Variants in LHX2 observed in about 807,000 individuals in gnomAD.
The protein encoded by LHX2 is LIM homeobox 2, also known as LIM/homeobox protein Lhx2.
Under a neutral mutation model 33.0 loss-of-function variants are expected in LHX2, and 6 were observed. The observed-to-expected ratio is 0.18, with a 90% CI of 0.10 to 0.36. The LOEUF is 0.36. Among genes scored for constraint, LHX2 ranks in the 10% least tolerant of loss-of-function variants. The probability of loss-of-function intolerance (pLI) is 1.00; values close to 1 mark genes in which losing one functional copy is unlikely to be tolerated. For missense variants in LHX2, 442 were observed against 586.2 expected (o/e 0.75, Z 2.54); for synonymous variants, 292 against 253.1 (o/e 1.15, Z -1.46).
chr9:124,017,199 CT>C (rs1184939394), intron 3 of LHX2, among the ~76,000 whole-genome samples: 2 of 152,194 alleles, frequency 1.3e-5, no homozygotes, highest in East Asian at 1.9e-4. Context: ...CTCCCTCTCT[CT>C]TTTTTTCCTT....
chr9:124,019,059 A>G (rs1859246980), intron 3 of LHX2, among the ~76,000 whole-genome samples: 1 of 152,218 alleles, frequency 6.6e-6, no homozygotes, highest in Non-Finnish European at 1.5e-5. Flanking sequence ...ACTGGGGGAA[A>G]GAAAAGGGTT....
rs374544073 is a variant in LHX2, at chr9:124,032,413, C to G, written c.934-7C>G. 6.3e-6 allele frequency: 10 copies of G among 1,575,478 alleles called. No individual in the cohort carries two copies. Among genetic ancestry groups the G allele is most frequent in the Admixed American group, 1.7e-5 (1 of 59,072 alleles). ...GCTCACCAGCCCTTCCCTGTCGTCC[C>G]CCGCAGGTCTGGTTCCAGAACGCCC... is the stretch of plus-strand genomic sequence containing the variant. On this transcript the variant is annotated splice_polypyrimidine_tract_variant and splice_region_variant and intron_variant, in intron 4 of 4. Transcript: ENST00000373615. This position sits in a 1 kb window ranked among gnomAD's most constrained non-coding sequence, Gnocchi z 4.1.
chr9:124,014,089 C>T lies in LHX2; in HGVS notation c.249C>T (p.Cys83=). The T allele has an allele frequency of 6.2e-7, 1 of 1,613,734 alleles. No homozygotes were observed. Among genetic ancestry groups the T allele is most frequent in the Non-Finnish European group, 8.5e-7 (1 of 1,180,034 alleles). The change falls in exon 2 of 5, where the codon TGC becomes TGT. Residue 83 remains cysteine, a synonymous_variant. Coordinates refer to ENST00000373615, the MANE Select transcript of LHX2 (RefSeq NM_004789.4). This position sits in a 1 kb window ranked among gnomAD's most constrained non-coding sequence, Gnocchi z 4.8. ...TGCGCTGCCTCAAGTGCTGCGAGTG[C>T]AAGCTCAACCTGGAGTCGGAGCTCA... is the stretch of plus-strand genomic sequence containing the variant. ...WHMRCLKCCE[C]KLNLESELTC...
intron 4 of LHX2, among the ~76,000 whole-genome samples, chr9:124,029,705 T>C (rs1013802508): frequency 2.6e-5 from 4 of 152,110 alleles, no homozygotes; most frequent in African/African-American, 9.7e-5. Context: ...CCTCAAACCC[T>C]CGACCCAGGC....
intron 4 of LHX2, among the ~76,000 whole-genome samples, chr9:124,024,682 A>G (rs373236199): frequency 1.3e-5 from 2 of 152,216 alleles, no homozygotes; most frequent in East Asian, 1.9e-4. Flanking sequence ...TACACAGTAC[A>G]GTTCAGTCTC....
intron 3 of LHX2, among the ~76,000 whole-genome samples, chr9:124,017,885 C>T (rs1859219907): frequency 6.6e-6 from 1 of 151,960 alleles, no homozygotes; most frequent in African/African-American, 2.4e-5. Flanking sequence ...AAACCTCCCC[C>T]TACCCCGGGA....
intron 4 of LHX2, among the ~76,000 whole-genome samples, chr9:124,025,507 T>C (rs1588350767): frequency 6.7e-6 from 1 of 149,234 alleles, no homozygotes; most frequent in African/African-American, 2.5e-5. Context: ...TCTCACCACA[T>C]AGAAGTCTCT....
intron 4 of LHX2, among the ~76,000 whole-genome samples, chr9:124,024,099 G>T (rs1313697622): frequency 3.3e-5 from 5 of 152,248 alleles, no homozygotes; most frequent in Admixed American, 2.0e-4. Context: ...ATCTGGCAAT[G>T]ACTGTCTGGG....
At chr9:124,026,872 G>A (rs945934889) in intron 4 of LHX2, among the ~76,000 whole-genome samples, 2 of 152,182 alleles carry the variant, frequency 1.3e-5, no homozygotes, top group Admixed American at 6.5e-5. Flanking sequence ...CCCTGAGGAG[G>A]AGGTGTGGTT....
chr9:124,019,594 CA>C (rs1220411613), intron 3 of LHX2, among the ~76,000 whole-genome samples: 1 of 152,100 alleles, frequency 6.6e-6, no homozygotes, highest in African/African-American at 2.4e-5. Flanking sequence ...TTCAGGTAAA[CA>C]ACAAATACAT....
chr9:124,030,652 G>A (rs958580065), intron 4 of LHX2, among the ~76,000 whole-genome samples: 9 of 119,856 alleles, frequency 7.5e-5, no homozygotes, highest in African/African-American at 3.1e-4. Flanking sequence ...TTTTTTTTGA[G>A]ATGGAGTCTT....
Position 124,018,324 on chromosome 9 carries a change from C to G in LHX2, c.728-2775C>G, listed in dbSNP as rs989437381. Reference sequence around the variant, plus strand: ...CCCGGGTCCTCCCCCTCCCCTCGGCCCCTCGCTCCTCCCCGGATCCGATCC... The same window carrying G: ...CCCGGGTCCTCCCCCTCCCCTCGGCGCCTCGCTCCTCCCCGGATCCGATCC... On this transcript the variant is annotated intron_variant, in intron 3 of 4. Coordinates refer to ENST00000373615, the MANE Select transcript of LHX2 (RefSeq NM_004789.4). Among the ~76,000 whole-genome samples, 3 of 151,206 alleles carry G rather than the reference C, an allele frequency of 2.0e-5. No individual in the cohort carries two copies. The East Asian group carries it at 5.9e-4, about 30-fold the overall frequency.
Position 124,032,769 on chromosome 9 carries a change from A to G in LHX2, c.*62A>G. 6.8e-7 allele frequency: 1 copy of G among 1,481,212 alleles called. No homozygotes were observed. Among genetic ancestry groups the G allele is most frequent in the Non-Finnish European group, 9.1e-7 (1 of 1,103,658 alleles). 91.8% of individuals were successfully genotyped at this position (1,481,212 alleles called of 1,614,324 possible). ...AAGAAATTATCTTTAGTTGAATTCCAAGTGTATTTTAAAATAGAGGCTTTG... is the reference window on the plus strand; with the variant it reads ...AAGAAATTATCTTTAGTTGAATTCCGAGTGTATTTTAAAATAGAGGCTTTG... On this transcript the variant is annotated 3_prime_UTR_variant, in exon 5 of 5. Transcript: ENST00000373615. The surrounding 1 kb of genome is among the most constrained non-coding windows in gnomAD (Gnocchi z 4.1).
Position 124,016,853 on chromosome 9 carries a change from C to A in LHX2, c.727+1328C>A, listed in dbSNP as rs1426682099. Among the ~76,000 whole-genome samples the A allele has an allele frequency of 6.6e-6, 1 of 152,054 alleles. No homozygotes were observed. ...ACTTCCATCCCTCCTCTCCTACCAC[C>A]CCCCAAAAAAAGACAAAACCGAGTT... On this transcript the variant is annotated intron_variant, in intron 3 of 4. Coordinates refer to ENST00000373615, the MANE Select transcript of LHX2 (RefSeq NM_004789.4). The surrounding 1 kb of genome is among the most constrained non-coding windows in gnomAD (Gnocchi z 4.4).
chr9:124,032,253 A>G lies in LHX2; in HGVS notation c.934-167A>G. Reference sequence around the variant, plus strand: ...CCAGACCCTGTCTGCAAACAAAAACAAAAACAAAAAAACCAAAAAAGCAAA... The same window carrying G: ...CCAGACCCTGTCTGCAAACAAAAACGAAAACAAAAAAACCAAAAAAGCAAA... On this transcript the variant is annotated intron_variant, in intron 4 of 4. Transcript: ENST00000373615. The surrounding 1 kb of genome is among the most constrained non-coding windows in gnomAD (Gnocchi z 4.1). 1 of 766,858 alleles carries G rather than the reference A, an allele frequency of 1.3e-6. No individual in the cohort carries two copies. The allele number at this position is 766,858 out of a possible 1,614,324, so 47.5% of individuals were successfully genotyped here. A position where few individuals can be genotyped will look rare whatever the true frequency, so the allele number is the denominator to read the frequency against.
chr9:124,019,212 T>G (rs1859250159), intron 3 of LHX2, among the ~76,000 whole-genome samples: 1 of 152,092 alleles, frequency 6.6e-6, no homozygotes, highest in Non-Finnish European at 1.5e-5. Flanking sequence ...GGGACCTGAG[T>G]GCCGGTGGAA....
chr9:124,017,796 G>A (rs1246822500), intron 3 of LHX2, among the ~76,000 whole-genome samples: 4 of 152,120 alleles, frequency 2.6e-5, no homozygotes, highest in Admixed American at 6.5e-5. Context: ...CGCGGGCCGC[G>A]GGGTCGGAAA....
chr9:124,031,939 A>G (rs965435787), intron 4 of LHX2: 2 of 152,708 alleles, frequency 1.3e-5, no homozygotes, highest in African/African-American at 4.8e-5. Flanking sequence ...TATTTTATTA[A>G]GAGCAAAATA....
At position 124,019,995 on chromosome 9, in the gene LHX2, G is replaced by T. The variant is rs75866360; in HGVS notation, c.728-1104G>T. On this transcript the variant is annotated intron_variant, in intron 3 of 4. Coordinates refer to ENST00000373615, the MANE Select transcript of LHX2 (RefSeq NM_004789.4). ...GGCATTGGCAGCGTGGCCCCCATGA[G>T]GCTCCTTGTGGTTAGGGACAGGCTC... 2.8e-4 allele frequency among the ~76,000 whole-genome samples: 42 copies of T among 152,320 alleles called. 1 individual carries two copies. In the East Asian group the frequency reaches 3.9e-3, roughly 14 times the overall value.
Sources: allele counts gnomAD v4.1 joint callset (sites outside exome capture counted in the v4.1 genomes callset), GRCh38; gene constraint gnomAD v4.1.1; non-coding constraint Gnocchi (gnomAD v3.1); transcripts MANE v1.5; gene names NCBI Gene and HGNC (gene_info 2026-07-23, HGNC 2026-07-21).